PFKFB3: variants seen among roughly 807,000 people sequenced by gnomAD.
PFKFB3 encodes the protein 6-phosphofructo-2-kinase/fructose-2,6-biphosphatase 3.
PFKFB3 carries 33 observed loss-of-function variants against 68.0 expected under a neutral mutation model. The ratio of observed to expected loss-of-function variants is 0.49; its 90% CI spans 0.37 to 0.65. PFKFB3 has a LOEUF of 0.65. Among genes scored for constraint, PFKFB3 ranks in the 30% least tolerant of loss-of-function variants. PFKFB3 has a pLI of 0.00. For synonymous variants in PFKFB3, 315 were observed against 288.2 expected (o/e 1.09, Z -0.94); for missense variants, 586 against 712.2 (o/e 0.82, Z 2.02).
chr10:6,320,368 G>A, the PFKFB3 span, among the ~76,000 whole-genome samples: 1 of 152,156 alleles, frequency 6.6e-6, no homozygotes, highest in South Asian at 2.1e-4. Context: ...AGAAATGTAT[G>A]AGCTTATAAA....
chr10:6,150,665 G>A (rs2131676353), intron 1 of PFKFB3, among the ~76,000 whole-genome samples: 1 of 151,964 alleles, frequency 6.6e-6, no homozygotes, highest in East Asian at 1.9e-4. Context: ...CCTAAATGCT[G>A]AAAGATGATG....
downstream of PFKFB3, among the ~76,000 whole-genome samples, chr10:6,237,193 C>A (rs896493281): frequency 1.3e-5 from 2 of 152,250 alleles, no homozygotes; most frequent in Non-Finnish European, 2.9e-5. Flanking sequence ...AAAGGCCTCC[C>A]GTCTCCCGAG....
chr10:6,189,007 T>A (rs111504063), intron 1 of PFKFB3, among the ~76,000 whole-genome samples: 69 of 152,058 alleles, frequency 4.5e-4, no homozygotes, highest in Admixed American at 5.2e-4. Flanking sequence ...GCTAATTTTT[T>A]AAAAAAATTT....
At chr10:6,274,969 G>A in the PFKFB3 span, among the ~76,000 whole-genome samples, 4 of 152,176 alleles carry the variant, frequency 2.6e-5, no homozygotes, top group African/African-American at 9.7e-5. Flanking sequence ...CTAAATATTA[G>A]TTCCTGGCTA....
At chr10:6,152,733 T>C (rs1841633526) in intron 1 of PFKFB3, among the ~76,000 whole-genome samples, 1 of 150,898 alleles carries the variant, frequency 6.6e-6, no homozygotes. Context: ...ATTAAAAAAT[T>C]AGCTAGGTGT....
chr10:6,251,334 C>T (rs537442808), intron 14 of PFKFB3, among the ~76,000 whole-genome samples: 8 of 152,306 alleles, frequency 5.3e-5, no homozygotes, highest in South Asian at 2.1e-4. Context: ...GAATGGTGCC[C>T]GTCTCCATTC....
the PFKFB3 span, among the ~76,000 whole-genome samples, chr10:6,323,719 A>G: frequency 1.3e-5 from 2 of 152,154 alleles, no homozygotes; most frequent in Non-Finnish European, 2.9e-5. Context: ...ATCACTTCAC[A>G]CCGAAGCCAA....
chr10:6,267,470 G>A, the PFKFB3 span, among the ~76,000 whole-genome samples: 1 of 152,150 alleles, frequency 6.6e-6, no homozygotes, highest in Non-Finnish European at 1.5e-5. Flanking sequence ...GAGTTTCTTA[G>A]AACGTCATTG....
chr10:6,180,395 C>A (rs887847599), intron 1 of PFKFB3, among the ~76,000 whole-genome samples: 3 of 152,188 alleles, frequency 2.0e-5, no homozygotes, highest in Non-Finnish European at 2.9e-5. Context: ...TTCATAATTA[C>A]ATAGCAGAAT....
At chr10:6,248,012 G>A (rs1173555193) in intron 14 of PFKFB3, among the ~76,000 whole-genome samples, 1 of 152,206 alleles carries the variant, frequency 6.6e-6, no homozygotes. Flanking sequence ...CAATAAATCA[G>A]GTAACAATGG....
At chr10:6,255,722 C>G (rs569682346), downstream of PFKFB3, among the ~76,000 whole-genome samples, 17 of 152,290 alleles carry the variant, frequency 1.1e-4, 2 homozygotes, top group Admixed American at 6.5e-4. Flanking sequence ...TTCTGAACAA[C>G]AGCAGTCGGC....
chr10:6,246,542 A>G (rs1042765308), intron 14 of PFKFB3, among the ~76,000 whole-genome samples: 2 of 151,706 alleles, frequency 1.3e-5, no homozygotes, highest in Non-Finnish European at 2.9e-5. Context: ...GGGTTTTACT[A>G]TGTTGGTCAG....
the PFKFB3 span, among the ~76,000 whole-genome samples, chr10:6,262,024 A>C: frequency 6.6e-6 from 1 of 151,116 alleles, no homozygotes; most frequent in East Asian, 1.9e-4. Flanking sequence ...AAAAACAAAA[A>C]AAAAAACACA....
the PFKFB3 span, among the ~76,000 whole-genome samples, chr10:6,263,054 G>T: frequency 6.6e-6 from 1 of 152,352 alleles, no homozygotes; most frequent in South Asian, 2.1e-4. Context: ...GAGGTGTGAA[G>T]TTGAAGTGGG....
intron 1 of PFKFB3, among the ~76,000 whole-genome samples, chr10:6,151,246 G>A (rs990754879): frequency 5.3e-5 from 8 of 152,210 alleles, no homozygotes; most frequent in African/African-American, 1.9e-4. Context: ...AGCATCCAAG[G>A]TTCTGGTTGG....
rs138221143 is a variant in PFKFB3 at position 6,213,714 on chromosome 10, T to C, written c.168T>C (p.Thr56=). 13 of 1,613,454 alleles carry C rather than the reference T, an allele frequency of 8.1e-6. No homozygotes were observed. The highest frequency in any genetic ancestry group is 4.2e-6 in the Non-Finnish European group (5 of 1,179,804). The change falls in exon 2 of 15, where the codon ACT becomes ACC. Residue 56 remains threonine (T), a synonymous_variant. Transcript: ENST00000379775. ...AGACCTACATCTCCAAGAAGCTGAC[T>C]CGCTACCTCAACTGGATTGGCGTCC... The part of the protein sequence containing the change: ...RGKTYISKKL[T]RYLNWIGVPT...
rs557635608 is a variant in PFKFB3, at chr10:6,250,783, G to C, written c.1516-3395G>C. 3.3e-5 allele frequency among the ~76,000 whole-genome samples: 5 copies of C among 152,276 alleles called. No homozygotes were observed. In the East Asian group the frequency reaches 9.6e-4, roughly 29 times the overall value. On this transcript the variant is annotated intron_variant, in intron 14 of 14. Coordinates refer to the PFKFB3 transcript ENST00000640683. ...CTTGGACTTCCTAGCCTCCAGAACT[G>C]TGAGAAAATACATTTCTGTTTTAAT...
At chr10:6,153,655 AC>A (rs1466878470) in intron 1 of PFKFB3, among the ~76,000 whole-genome samples, 1 of 152,148 alleles carries the variant, frequency 6.6e-6, no homozygotes, top group Non-Finnish European at 1.5e-5. Flanking sequence ...GGAGTTCGAG[AC>A]CAGCCTGTAC....
intron 1 of PFKFB3, chr10:6,145,109 G>C: frequency 9.7e-7 from 1 of 1,031,324 alleles, no homozygotes; most frequent in East Asian, 3.3e-5. Context: ...CGCCAGGCGC[G>C]GAAGCACTGT....
Sources: allele counts gnomAD v4.1 joint callset (sites outside exome capture counted in the v4.1 genomes callset), GRCh38; gene constraint gnomAD v4.1.1; transcripts MANE v1.5; gene names NCBI Gene and HGNC (gene_info 2026-07-23, HGNC 2026-07-21).